Variants in BABAM2 observed in about 807,000 individuals in gnomAD.
BABAM2 encodes BRISC and BRCA1-A complex member 2.
Under a neutral mutation model 54.7 loss-of-function variants are expected in BABAM2, and 31 were observed. The observed-to-expected ratio is 0.57, with a 90% CI of 0.43 to 0.77. BABAM2 has a LOEUF of 0.77. BABAM2 is among the 30% of genes least tolerant of loss of function. The pLI, the probability that BABAM2 is intolerant of heterozygous loss-of-function variation, is 0.00. For synonymous variants in BABAM2, 167 were observed against 162.9 expected, an observed-to-expected ratio of 1.03 and a Z score of -0.19; for missense variants, 364 against 455.8, an observed-to-expected ratio of 0.80 and a Z score of 1.83.
chr2:28,090,214 A>G (rs1666042029), intron 6 of BABAM2, among the ~76,000 whole-genome samples: 1 of 152,182 alleles, frequency 6.6e-6, no homozygotes, highest in Non-Finnish European at 1.5e-5. Flanking sequence ...CAAAGCATGT[A>G]GTTCCTTGTA....
rs144383222 is a variant in BABAM2, at chr2:28,215,906, T to C, written c.681-21296T>C. Among the ~76,000 whole-genome samples the C allele has an allele frequency of 6.6e-3, 1,003 of 152,296 alleles. 3 individuals are homozygous for C. The highest frequency in any genetic ancestry group is 0.011 in the Non-Finnish European group (728 of 68,016). ...TCCATTTCCTTGAGGAACCTCAGGG[T>C]AGCCCCACTCATGTTTTACTCTCCT... On this transcript the variant is annotated intron_variant, in intron 7 of 11. Transcript: ENST00000379624.
intron 6 of BABAM2, among the ~76,000 whole-genome samples, chr2:28,088,198 A>G (rs1558323609): frequency 6.6e-6 from 1 of 152,160 alleles, no homozygotes. Flanking sequence ...TTTTTTAACA[A>G]TTCTACAGTA....
upstream of BABAM2, chr2:27,890,121 G>A (rs1458135632): frequency 2.3e-5 from 16 of 709,204 alleles, no homozygotes; most frequent in Non-Finnish European, 3.2e-5. The surrounding 1 kb of genome is among the most constrained non-coding windows in gnomAD (Gnocchi z 4.8). Flanking sequence ...TGAAGGCTTC[G>A]AAAACCTGCA....
At chr2:28,081,086 C>T (rs1200981823) in intron 6 of BABAM2, among the ~76,000 whole-genome samples, 1 of 152,076 alleles carries the variant, frequency 6.6e-6, no homozygotes, top group Non-Finnish European at 1.5e-5. Context: ...GTTGGTGAAG[C>T]AATAATGAGC....
chr2:28,088,091 T>C (rs980074304), intron 6 of BABAM2, among the ~76,000 whole-genome samples: 23 of 152,310 alleles, frequency 1.5e-4, no homozygotes, highest in African/African-American at 5.1e-4. Context: ...TAAATTTTGT[T>C]TATGTGAACA....
At chr2:28,026,017 C>T (rs916993750) in intron 5 of BABAM2, among the ~76,000 whole-genome samples, 2 of 152,054 alleles carry the variant, frequency 1.3e-5, no homozygotes, top group African/African-American at 4.8e-5. Flanking sequence ...AAATGCAAAT[C>T]AAAATCACAA....
intron 7 of BABAM2, among the ~76,000 whole-genome samples, chr2:28,205,630 T>C (rs1033171257): frequency 1.3e-5 from 2 of 152,236 alleles, no homozygotes; most frequent in African/African-American, 2.4e-5. Context: ...AGCCCACCAT[T>C]TGAGCTTCAG....
Position 28,244,806 on chromosome 2 carries a change from G to C in BABAM2, c.878G>C (p.Gly293Ala), listed in dbSNP as rs1233501070. 3.1e-6 allele frequency: 5 copies of C among 1,613,764 alleles called. No homozygotes were observed. The highest frequency in any genetic ancestry group is 4.2e-6 in the Non-Finnish European group (5 of 1,179,946). Residue 293 changes from glycine (G) to alanine (A), a missense_variant, in exon 10 of 12, where the codon GGC becomes GCC. Physicochemically the swap from Gly to Ala is moderately conservative, Grantham distance 60. Coordinates refer to ENST00000379624, the MANE Select transcript of BABAM2 (RefSeq NM_199191.3). ...GGTGTCGTGGAATATGATGCAGAAG[G>C]CTTTACAAAACTCACTCTGCTGCTG... The part of the protein sequence containing the change: ...GTGVVEYDAE[G>A]FTKLTLLLMW...
chr2:27,968,151 A>G (rs1670957933), intron 3 of BABAM2, among the ~76,000 whole-genome samples: 1 of 152,208 alleles, frequency 6.6e-6, no homozygotes, highest in African/African-American at 2.4e-5. Flanking sequence ...AGCCCCTCCC[A>G]TTACAGGCCC....
At chr2:28,308,505 C>T (rs982605643) in intron 11 of BABAM2, 2 of 524,566 alleles carry the variant, frequency 3.8e-6, no homozygotes, top group Admixed American at 3.9e-5. Context: ...TGTGAAGAAG[C>T]TCAGTGACAC....
chr2:28,301,040 G>A (rs1299370662), intron 11 of BABAM2, among the ~76,000 whole-genome samples: 2 of 152,216 alleles, frequency 1.3e-5, no homozygotes, highest in Non-Finnish European at 2.9e-5. Flanking sequence ...TGAGATTGGT[G>A]GAGAAGGTTG....
At chr2:28,038,453 G>A (rs558535888) in intron 5 of BABAM2, among the ~76,000 whole-genome samples, 5 of 152,296 alleles carry the variant, frequency 3.3e-5, no homozygotes, top group Admixed American at 3.3e-4. Context: ...TGATGTTAAG[G>A]TTTTGGTTTC....
intron 6 of BABAM2, among the ~76,000 whole-genome samples, chr2:28,112,093 C>CTT (rs1408673063): frequency 2.9e-4 from 2 of 6,798 alleles, no homozygotes; most frequent in Non-Finnish European, 6.5e-4. Flanking sequence ...CTCTTTCTTT[C>CTT]TTTCTTTCTT....
intron 2 of BABAM2, among the ~76,000 whole-genome samples, chr2:27,907,108 G>T (rs1045116189): frequency 3.3e-5 from 5 of 151,932 alleles, no homozygotes; most frequent in African/African-American, 1.2e-4. Context: ...TTTATTTTTT[G>T]GTGCCGTGTT....
At chr2:28,115,593 T>G (rs898012710) in intron 6 of BABAM2, among the ~76,000 whole-genome samples, 2 of 151,730 alleles carry the variant, frequency 1.3e-5, no homozygotes, top group African/African-American at 4.8e-5. Flanking sequence ...GCCACTGCAC[T>G]CCAGCCTGGT....
chr2:27,900,517 T>A (rs1318585099), intron 2 of BABAM2, among the ~76,000 whole-genome samples: 1 of 152,184 alleles, frequency 6.6e-6, no homozygotes, highest in Non-Finnish European at 1.5e-5. Context: ...TAATTTATGT[T>A]TATACCTCCT....
At chr2:28,333,817 C>T (rs751051424) in intron 11 of BABAM2, among the ~76,000 whole-genome samples, 40 of 152,210 alleles carry the variant, frequency 2.6e-4, no homozygotes, top group Non-Finnish European at 5.6e-4. Context: ...CCCTAGAACA[C>T]GCTTACACTT....
intron 3 of BABAM2, among the ~76,000 whole-genome samples, chr2:27,959,987 T>C (rs1422873621): frequency 6.6e-6 from 1 of 152,184 alleles, no homozygotes; most frequent in Admixed American, 6.5e-5. Context: ...TTCTGATTGC[T>C]TCATCCTAAT....
chr2:27,929,417 G>A (rs141073927), intron 2 of BABAM2, among the ~76,000 whole-genome samples: 122 of 152,208 alleles, frequency 8.0e-4, no homozygotes, highest in African/African-American at 2.8e-3. Flanking sequence ...GGCTAAAAGT[G>A]GGCTCTTTTT....
Sources: gnomAD v4.1 joint callset for allele counts (sites outside exome capture counted in the v4.1 genomes callset) on GRCh38, gnomAD v4.1.1 for gene constraint, Gnocchi (gnomAD v3.1) non-coding constraint, MANE v1.5 for transcripts, NCBI Gene and HGNC (gene_info 2026-07-23, HGNC 2026-07-21) for gene names.